SIPA1L1: variants seen among roughly 807,000 people sequenced by gnomAD.
SIPA1L1 encodes the protein signal-induced proliferation-associated 1-like protein 1.
Under a neutral mutation model 162.7 loss-of-function variants are expected in SIPA1L1, and 26 were observed. The observed-to-expected ratio is 0.16, with a 90% confidence interval of 0.12 to 0.22. The LOEUF (loss-of-function observed/expected upper bound fraction) is 0.22, where lower values mean the gene tolerates loss of function less well. Ranked by LOEUF, SIPA1L1 falls within the 10% of genes least tolerant of loss-of-function variation. The pLI, the probability that SIPA1L1 is intolerant of heterozygous loss-of-function variation, is 1.00. For synonymous variants in SIPA1L1, 829 were observed against 837.4 expected, an observed-to-expected ratio of 0.99 and a Z score of 0.17; for missense variants, 1,874 against 2,241.0, an observed-to-expected ratio of 0.84 and a Z score of 3.31.
At chr14:71,344,216 A>G (rs1286899114) in intron 2 of SIPA1L1, among the ~76,000 whole-genome samples, 1 of 152,214 alleles carries the variant, frequency 6.6e-6, no homozygotes, top group Non-Finnish European at 1.5e-5. Context: ...AGTGTTTCAT[A>G]TTAAGTGGTA....
Position 71,707,163 on chromosome 14 carries a change from C to T in SIPA1L1, c.3765+1823C>T, listed in dbSNP as rs114651568. Among the ~76,000 whole-genome samples the T allele has an allele frequency of 6.4e-3, 966 of 151,838 alleles. 4 individuals are homozygous for T. The highest frequency in any genetic ancestry group is 0.022 in the African/African-American group (908 of 41,412). On this transcript the variant is annotated intron_variant, in intron 16 of 23. Transcript: ENST00000381232. ...CACACACACGCACACACACACAGTT[C>T]CTTCTCTTCTCTTTTAATCTCCAGC...
intron 2 of SIPA1L1, among the ~76,000 whole-genome samples, chr14:71,403,152 G>A (rs1302495922): frequency 6.6e-6 from 1 of 152,114 alleles, no homozygotes; most frequent in Non-Finnish European, 1.5e-5. Flanking sequence ...TTTCATAGCA[G>A]TGCCAAACAG....
At chr14:71,525,947 T>C (rs2052826964) in intron 3 of SIPA1L1, among the ~76,000 whole-genome samples, 1 of 152,214 alleles carries the variant, frequency 6.6e-6, no homozygotes, top group African/African-American at 2.4e-5. Context: ...GTTTACCTCC[T>C]GCCACTCCTG....
chr14:71,341,267 C>T (rs938317893), intron 2 of SIPA1L1, among the ~76,000 whole-genome samples: 1 of 152,208 alleles, frequency 6.6e-6, no homozygotes, highest in Non-Finnish European at 1.5e-5. Context: ...CTAGTAAGAA[C>T]ATCTTCACGT....
intron 2 of SIPA1L1, among the ~76,000 whole-genome samples, chr14:71,407,824 A>G (rs2042133161): frequency 6.6e-6 from 1 of 152,106 alleles, no homozygotes; most frequent in Non-Finnish European, 1.5e-5. Context: ...TTTAGAAAGG[A>G]CAGGTTGACA....
chr14:71,395,198 A>T (rs952978723), intron 2 of SIPA1L1, among the ~76,000 whole-genome samples: 2 of 152,212 alleles, frequency 1.3e-5, no homozygotes, highest in African/African-American at 4.8e-5. Context: ...AAATATGCGT[A>T]ATTTTGGCAA....
At chr14:71,542,526 T>A (rs1322910822) in intron 4 of SIPA1L1, among the ~76,000 whole-genome samples, 1 of 149,120 alleles carries the variant, frequency 6.7e-6, no homozygotes, top group Non-Finnish European at 1.5e-5. Context: ...TTCCTCCTCC[T>A]CCTCTTCCTC....
intron 6 of SIPA1L1, 70 bp from the exon 7 acceptor site, chr14:71,623,978 C>A (rs2039713413): frequency 7.6e-7 from 1 of 1,313,408 alleles, no homozygotes; most frequent in South Asian, 1.4e-5. Context: ...TTCAGGCCTG[C>A]AGTGCATGTA....
intron 4 of SIPA1L1, among the ~76,000 whole-genome samples, chr14:71,561,068 T>TTAG (rs752075280): frequency 6.6e-6 from 1 of 152,230 alleles, no homozygotes; most frequent in Non-Finnish European, 1.5e-5. Flanking sequence ...AGAGTTCTTT[T>TTAG]TAGTAGCTCT....
intron 2 of SIPA1L1, among the ~76,000 whole-genome samples, chr14:71,331,179 T>C (rs1354561640): frequency 6.6e-6 from 1 of 152,230 alleles, no homozygotes; most frequent in Non-Finnish European, 1.5e-5. Context: ...TTGAGTGGTC[T>C]TGGCACCCTT....
chr14:71,723,204 C>A (rs1313821417), intron 17 of SIPA1L1, among the ~76,000 whole-genome samples: 1 of 152,204 alleles, frequency 6.6e-6, no homozygotes, highest in Non-Finnish European at 1.5e-5. Context: ...AGCCATAGCC[C>A]TGCTTGAGTC....
chr14:71,673,849 C>A (rs2044790116), intron 12 of SIPA1L1, among the ~76,000 whole-genome samples: 1 of 152,182 alleles, frequency 6.6e-6, no homozygotes, highest in Non-Finnish European at 1.5e-5. Context: ...CCTTAGTTAA[C>A]CAGGTCTAAT....
intron 2 of SIPA1L1, chr14:71,467,272 G>A (rs1278258558): frequency 1.3e-5 from 2 of 152,136 alleles, no homozygotes; most frequent in African/African-American, 4.8e-5. Context: ...TGTCTTTGTA[G>A]ATATCAGGTT....
At chr14:71,652,753 C>T (rs1042008192) in intron 8 of SIPA1L1, among the ~76,000 whole-genome samples, 11 of 151,752 alleles carry the variant, frequency 7.2e-5, no homozygotes, top group Admixed American at 7.2e-4. Flanking sequence ...TTGTTAATCC[C>T]GTCCAGTGAA....
At chr14:71,332,647 C>T (rs2034681686) in intron 2 of SIPA1L1, among the ~76,000 whole-genome samples, 1 of 152,104 alleles carries the variant, frequency 6.6e-6, no homozygotes. Flanking sequence ...CACACCCACC[C>T]CAAAAGAATC....
intron 5 of SIPA1L1, among the ~76,000 whole-genome samples, chr14:71,614,958 T>C (rs2038664378): frequency 1.3e-5 from 2 of 152,198 alleles, no homozygotes; most frequent in South Asian, 4.1e-4. Context: ...GTAATGTTTC[T>C]ATTTTTGTTC....
intron 17 of SIPA1L1, among the ~76,000 whole-genome samples, chr14:71,715,584 A>C (rs1025700085): frequency 6.6e-6 from 1 of 152,232 alleles, no homozygotes; most frequent in Non-Finnish European, 1.5e-5. Context: ...TGTTCCACCT[A>C]CTAAATGGCT....
chr14:71,719,075 T>G (rs1485533495), intron 17 of SIPA1L1, among the ~76,000 whole-genome samples: 3 of 151,782 alleles, frequency 2.0e-5, no homozygotes, highest in Non-Finnish European at 4.4e-5. Flanking sequence ...AGTAGCTGGG[T>G]CTACAGGCAC....
At chr14:71,704,486 T>C (rs1243660190) in intron 15 of SIPA1L1, among the ~76,000 whole-genome samples, 8 of 152,208 alleles carry the variant, frequency 5.3e-5, no homozygotes, top group Non-Finnish European at 7.3e-5. Flanking sequence ...TTTCTGCCTC[T>C]GCTTTTGGAA....
Sources: allele counts gnomAD v4.1 joint callset (sites outside exome capture counted in the v4.1 genomes callset), GRCh38; gene constraint gnomAD v4.1.1; transcripts MANE v1.5; gene names NCBI Gene and HGNC (gene_info 2026-07-23, HGNC 2026-07-21).